GPC6: variants seen among roughly 807,000 people sequenced by gnomAD.
The protein encoded by GPC6 is glypican-6.
GPC6 carries 14 observed loss-of-function variants against 55.2 expected under a neutral mutation model. The observed-to-expected ratio is 0.25, with a 90% CI of 0.17 to 0.40. The LOEUF (loss-of-function observed/expected upper bound fraction) is 0.40, where lower values mean the gene tolerates loss of function less well. Among genes scored for constraint, GPC6 ranks in the 10% least tolerant of loss-of-function variants. The pLI, the probability that GPC6 is intolerant of heterozygous loss-of-function variation, is 1.00. For synonymous variants in GPC6, 278 were observed against 259.6 expected (o/e 1.07, Z -0.68); for missense variants, 641 against 708.5 (o/e 0.90, Z 1.08).
At chr13:93,289,755 A>G (rs1314874130) in intron 1 of GPC6, among the ~76,000 whole-genome samples, 2 of 152,176 alleles carry the variant, frequency 1.3e-5, no homozygotes, top group African/African-American at 4.8e-5. Flanking sequence ...TCCAATTTAT[A>G]TAAAAGGATT....
intron 4 of GPC6, among the ~76,000 whole-genome samples, chr13:94,121,805 C>T (rs554687718): frequency 6.6e-6 from 1 of 152,152 alleles, no homozygotes; most frequent in South Asian, 2.1e-4. Flanking sequence ...TCTCCAGGGT[C>T]TGTGGATTTC....
intron 1 of GPC6, among the ~76,000 whole-genome samples, chr13:93,401,689 CTTTTTTT>C (rs4001853): frequency 1.6e-5 from 1 of 64,506 alleles, no homozygotes; most frequent in African/African-American, 5.3e-5. Flanking sequence ...CATGAATGGA[CTTTTTTT>C]TTTTTTTTTT....
At chr13:93,888,857 CTG>C (rs1875497153) in intron 3 of GPC6, among the ~76,000 whole-genome samples, 1 of 152,110 alleles carries the variant, frequency 6.6e-6, no homozygotes, top group Non-Finnish European at 1.5e-5. Flanking sequence ...TATTCAAAAA[CTG>C]TCTCTAAATC....
At chr13:93,940,652 A>G (rs1878690238) in intron 3 of GPC6, among the ~76,000 whole-genome samples, 1 of 152,178 alleles carries the variant, frequency 6.6e-6, no homozygotes, top group African/African-American at 2.4e-5. Context: ...TATCCTGTAA[A>G]ATCCTTGATT....
intron 3 of GPC6, among the ~76,000 whole-genome samples, chr13:93,878,242 G>A (rs1434983219): frequency 6.6e-6 from 1 of 151,986 alleles, no homozygotes; most frequent in East Asian, 1.9e-4. Flanking sequence ...GTACTAAAAG[G>A]TGGGGCATTT....
intron 4 of GPC6, among the ~76,000 whole-genome samples, chr13:94,040,593 A>C (rs1883496499): frequency 6.6e-6 from 1 of 151,884 alleles, no homozygotes; most frequent in Non-Finnish European, 1.5e-5. Flanking sequence ...AATGCCCTAA[A>C]ACCACCTATC....
chr13:94,091,426 G>T (rs974577587), intron 4 of GPC6, among the ~76,000 whole-genome samples: 16 of 152,160 alleles, frequency 1.1e-4, no homozygotes, highest in African/African-American at 3.9e-4. Context: ...AATGGGCTAT[G>T]CTTTCCACTA....
intron 2 of GPC6, among the ~76,000 whole-genome samples, chr13:93,569,493 CAT>C (rs1462864200): frequency 6.6e-6 from 1 of 151,416 alleles, no homozygotes; most frequent in Non-Finnish European, 1.5e-5. Context: ...CTTGAGAAAA[CAT>C]AGAAATCCTC....
chr13:94,376,782 C>G (rs1018097095), intron 6 of GPC6, among the ~76,000 whole-genome samples: 1 of 152,174 alleles, frequency 6.6e-6, no homozygotes, highest in Non-Finnish European at 1.5e-5. Flanking sequence ...AGACATCACA[C>G]TACCTGACTT....
chr13:94,359,420 A>G (rs1324682628), intron 6 of GPC6, among the ~76,000 whole-genome samples: 1 of 152,192 alleles, frequency 6.6e-6, no homozygotes, highest in Non-Finnish European at 1.5e-5. Context: ...AAAAAATAAT[A>G]TCAGTGAATT....
intron 1 of GPC6, among the ~76,000 whole-genome samples, chr13:93,455,155 G>C (rs942513936): frequency 7.2e-5 from 11 of 152,146 alleles, no homozygotes; most frequent in African/African-American, 2.7e-4. Flanking sequence ...CCCGGTTCCC[G>C]CTTGCGCCTC....
chr13:93,426,427 C>T (rs1224077063), intron 1 of GPC6, among the ~76,000 whole-genome samples: 1 of 144,776 alleles, frequency 6.9e-6, no homozygotes, highest in Non-Finnish European at 1.5e-5. Context: ...TGATGTTCCC[C>T]TTCCTGTGTC....
chr13:93,386,961 C>T (rs1875430826), intron 1 of GPC6, among the ~76,000 whole-genome samples: 3 of 152,154 alleles, frequency 2.0e-5, no homozygotes, highest in Admixed American at 1.3e-4. Context: ...AGGGCATTCT[C>T]ATTGGATTTA....
chr13:93,645,126 G>C (rs1160067510), intron 2 of GPC6, among the ~76,000 whole-genome samples: 1 of 152,096 alleles, frequency 6.6e-6, no homozygotes, highest in Non-Finnish European at 1.5e-5. Flanking sequence ...CCCAGGGCCT[G>C]GCCGTCCTGC....
chr13:93,238,954 C>T (rs897369765), intron 1 of GPC6, among the ~76,000 whole-genome samples: 3 of 151,906 alleles, frequency 2.0e-5, no homozygotes, highest in African/African-American at 7.2e-5. Flanking sequence ...TTGATCCTGG[C>T]AAATTATCCT....
chr13:93,704,312 C>T (rs1882772165), intron 2 of GPC6, among the ~76,000 whole-genome samples: 1 of 151,790 alleles, frequency 6.6e-6, no homozygotes, highest in Non-Finnish European at 1.5e-5. Flanking sequence ...TGCAAATAAG[C>T]CCCAAAATAA....
chr13:93,854,747 T>C (rs1325496259), intron 3 of GPC6, among the ~76,000 whole-genome samples: 3 of 151,760 alleles, frequency 2.0e-5, no homozygotes, highest in Non-Finnish European at 2.9e-5. Context: ...GTATCACTTT[T>C]TGTTATTTTT....
chr13:93,648,303 T>C (rs1880264302), intron 2 of GPC6, among the ~76,000 whole-genome samples: 1 of 152,200 alleles, frequency 6.6e-6, no homozygotes, highest in African/African-American at 2.4e-5. Flanking sequence ...CTCGTGTATC[T>C]TGATGAAAGA....
chr13:94,147,687 G>A lies in GPC6; in HGVS notation c.877+119793G>A, dbSNP rs181913087. ...CTGAGGCCCTGGCTCTGTGACCCTG[G>A]GCAAGTCATTTATTCCAGAACTCTG... On this transcript the variant is annotated intron_variant, in intron 4 of 8. Transcript: ENST00000377047. 2.4e-3 allele frequency among the ~76,000 whole-genome samples: 370 copies of A among 152,172 alleles called. 1 individual carries two copies. The highest frequency in any genetic ancestry group is 2.5e-3 in the Admixed American group (38 of 15,250).
Sources: allele counts gnomAD v4.1 joint callset (sites outside exome capture counted in the v4.1 genomes callset), GRCh38; gene constraint gnomAD v4.1.1; transcripts MANE v1.5; gene names NCBI Gene and HGNC (gene_info 2026-07-23, HGNC 2026-07-21).